RBBP6: variants seen among roughly 807,000 people sequenced by gnomAD.
RBBP6 encodes E3 ubiquitin-protein ligase RBBP6.
In RBBP6, 25 loss-of-function variants were observed where a neutral mutation model predicts 167.7. The ratio of observed to expected loss-of-function variants is 0.15; its 90% CI spans 0.11 to 0.21. The LOEUF (loss-of-function observed/expected upper bound fraction) is 0.21, where lower values mean the gene tolerates loss of function less well. Ranked by LOEUF, RBBP6 falls within the 10% of genes least tolerant of loss-of-function variation. The pLI is 1.00. For synonymous variants in RBBP6, 789 were observed against 735.8 expected (o/e 1.07, Z -1.17); for missense variants, 1,868 against 2,134.2 (o/e 0.88, Z 2.46).
intron 14 of RBBP6, 39 bp downstream of exon 14, chr16:24,564,904 T>A: frequency 1.9e-6 from 3 of 1,575,392 alleles, no homozygotes; most frequent in Non-Finnish European, 2.6e-6. Context: ...ATCATCTTAT[T>A]TTTTATATAT....
rs763491530 is a variant in RBBP6, at chr16:24,562,170, G to T, written c.1289+9G>T. ...TCAGATGGACCTTTTCGGTAAGCCT[G>T]TGTGTTTTTCACTGTTAGAAACCAA... is the stretch of plus-strand genomic sequence containing the variant. On this transcript the variant is annotated intron_variant, in intron 10 of 17. Transcript: ENST00000319715. 6.3e-7 allele frequency: 1 copy of T among 1,589,956 alleles called. No homozygotes were observed. The highest frequency in any genetic ancestry group is 8.6e-7 in the Non-Finnish European group (1 of 1,161,774).
At position 24,569,386 on chromosome 16, in the gene RBBP6, C is replaced by T. The variant is rs1368740653; in HGVS notation, c.2696C>T (p.Pro899Leu). Reference protein sequence around the residue: ...HRSRNIGSNYPEKLSARDGHN... With the variant: ...HRSRNIGSNYLEKLSARDGHN... Reference sequence around the variant, plus strand: ...AGTCGAAACATAGGTAGCAACTATCCAGAAAAGCTTTCAGCAAGAGATGGT... The same window carrying T: ...AGTCGAAACATAGGTAGCAACTATCTAGAAAAGCTTTCAGCAAGAGATGGT... Residue 899 changes from proline (P) to leucine (L), a missense_variant, in exon 17 of 18, where the codon CCA becomes CTA. Transcript: ENST00000319715. 6.2e-7 allele frequency: 1 copy of T among 1,613,816 alleles called. No homozygotes were observed. The highest frequency in any genetic ancestry group is 8.5e-7 in the Non-Finnish European group (1 of 1,180,020).
rs1458960474 is a variant in RBBP6 at position 24,568,924 on chromosome 16, G to A, written c.2234G>A (p.Arg745His). ...GGCAGAGGCAAGAGCCGCAATTACC[G>A]TTCACGGTCTAGATCTCATGGATAT... ...RRGRGKSRNY[R>H]SRSRSHGYHR... The change falls in exon 17 of 18, where the codon CGT (arginine) becomes CAT (histidine). Residue 745 changes from arginine to histidine, a missense_variant. By Grantham distance (29) the Arg-to-His change is conservative (BLOSUM62 0). Transcript: ENST00000319715. 9.3e-6 allele frequency: 15 copies of A among 1,614,210 alleles called. No individual in the cohort carries two copies. Among genetic ancestry groups the A allele is most frequent in the East Asian group, 2.2e-5 (1 of 44,884 alleles).
chr16:24,541,196 AAAAAAAACC>A (rs1262505821), intron 1 of RBBP6, among the ~76,000 whole-genome samples: 13 of 134,596 alleles, frequency 9.7e-5, no homozygotes, highest in East Asian at 8.1e-4. Context: ...AAAAAAACAA[AAAAAAAACC>A]AAAAAAACAA....
intron 2 of RBBP6, 69 bp downstream of exon 2, chr16:24,546,331 A>G: frequency 7.1e-7 from 1 of 1,415,478 alleles, no homozygotes; most frequent in Non-Finnish European, 9.2e-7. Context: ...GTGAGAAAAA[A>G]CTGTATTTTA....
chr16:24,556,007 C>CA, intron 6 of RBBP6, 90 bp downstream of exon 6: 1 of 1,167,438 alleles, frequency 8.6e-7, no homozygotes, highest in Non-Finnish European at 1.2e-6. Flanking sequence ...TTAATACTGC[C>CA]TTCTGTAGAC....
intron 4 of RBBP6, chr16:24,554,455 T>A (rs1030103115): frequency 6.6e-6 from 1 of 152,056 alleles, no homozygotes; most frequent in Non-Finnish European, 1.5e-5. Context: ...GTCCCTATCT[T>A]GTTCTTGGCT....
Position 24,565,553 on chromosome 16 carries a change from C to G in RBBP6, c.1589+688C>G, listed in dbSNP as rs140236433. ...AGTGGCATTAAGATTCTCATAGGAG[C>G]ATGAACCCTGTTGTGAACTGCGTGT... On this transcript the variant is annotated intron_variant, in intron 14 of 17. Transcript: ENST00000319715. 2.6e-5 allele frequency among the ~76,000 whole-genome samples: 4 copies of G among 152,356 alleles called. No individual in the cohort carries two copies. In the East Asian group the frequency reaches 7.7e-4, roughly 29 times the overall value.
At chr16:24,563,566 G>A in intron 12 of RBBP6, 44 bp from the exon 13 acceptor site, 2 of 1,610,444 alleles carry the variant, frequency 1.2e-6, no homozygotes, top group Non-Finnish European at 1.7e-6. Context: ...TTGATTTAAT[G>A]TGCAATTTTG....
intron 7 of RBBP6, among the ~76,000 whole-genome samples, chr16:24,556,752 T>A (rs986469841): frequency 6.6e-6 from 1 of 152,198 alleles, no homozygotes; most frequent in Non-Finnish European, 1.5e-5. Context: ...CATAATCTTA[T>A]TATATATGCT....
chr16:24,572,367 AAAG>A lies in RBBP6; in HGVS notation c.5305_5307del (p.Lys1769del). On this transcript the variant is annotated inframe_deletion, in exon 18 of 18. Transcript: ENST00000319715. ...AAAGCCAAAAACACAAACACAAGAA[AAAG>A]AAGTCAAAGAAGAACAAAGATAAAG... 6.4e-7 allele frequency: 1 copy of A among 1,550,458 alleles called. No homozygotes were observed. Among genetic ancestry groups the A allele is most frequent in the Non-Finnish European group, 8.7e-7 (1 of 1,146,764 alleles).
In RBBP6 at chr16:24,570,381, C is replaced by T; in HGVS notation, c.3691C>T (p.Pro1231Ser). 6.2e-7 allele frequency: 1 copy of T among 1,612,876 alleles called. No individual in the cohort carries two copies. The highest frequency in any genetic ancestry group is 8.5e-7 in the Non-Finnish European group (1 of 1,179,766). ...STENISNTKEPSEKLESTSSK... is the reference protein window; with the variant it reads ...STENISNTKESSEKLESTSSK... ...AGAAAATATATCAAACACAAAAGAA[C>T]CCTCTGAAAAATTGGAGTCAACATC... The change falls in exon 17 of 18, where the codon CCC becomes TCC. Residue 1231 changes from proline (P) to serine (S), a missense_variant. Coordinates refer to ENST00000319715, the MANE Select transcript of RBBP6 (RefSeq NM_006910.5).
At chr16:24,550,556 C>T (rs1325768988) in intron 3 of RBBP6, among the ~76,000 whole-genome samples, 1 of 151,480 alleles carries the variant, frequency 6.6e-6, no homozygotes, top group Non-Finnish European at 1.5e-5. Context: ...TAAACTAATT[C>T]AGATGAAGTT....
At chr16:24,555,942 T>C (rs1471427355) in intron 6 of RBBP6, 25 bp downstream of exon 6, 2 of 1,517,926 alleles carry the variant, frequency 1.3e-6, no homozygotes, top group East Asian at 2.3e-5. Flanking sequence ...GAAACTATGG[T>C]ATATCTTACT....
rs1899343352 is a variant in RBBP6 at position 24,571,699 on chromosome 16, C to T, written c.4633C>T (p.His1545Tyr). The stretch of plus-strand genomic sequence containing the variant: ...CTCAAGAGACAGAAAACCTCATGAT[C>T]ACAAAGCCACTTATGATACTAAACG... ...SPSRDRKPHDHKATYDTKRPN... is the reference protein window; with the variant it reads ...SPSRDRKPHDYKATYDTKRPN... The change falls in exon 18 of 18, where the codon CAC becomes TAC. Residue 1545 changes from histidine to tyrosine, a missense_variant. By Grantham distance (83) the His-to-Tyr change is moderately conservative. Coordinates refer to ENST00000319715, the MANE Select transcript of RBBP6 (RefSeq NM_006910.5). The T allele has an allele frequency of 6.2e-7, 1 of 1,613,932 alleles. No individual in the cohort carries two copies. Among genetic ancestry groups the T allele is most frequent in the Admixed American group, 1.7e-5 (1 of 60,000 alleles).
intron 8 of RBBP6, among the ~76,000 whole-genome samples, chr16:24,560,612 C>T (rs1899027661): frequency 6.6e-6 from 1 of 152,170 alleles, no homozygotes; most frequent in African/African-American, 2.4e-5. Flanking sequence ...TCCTCATACA[C>T]ATGGTTCTGC....
chr16:24,556,261 T>TA (rs1166609297), intron 6 of RBBP6, 47 bp from the exon 7 acceptor site: 2 of 1,435,562 alleles, frequency 1.4e-6, no homozygotes, highest in African/African-American at 2.9e-5. Flanking sequence ...TAAATAAAGA[T>TA]AACTGCTTTT....
At chr16:24,550,023 G>T (rs1475999214) in intron 3 of RBBP6, among the ~76,000 whole-genome samples, 2 of 151,942 alleles carry the variant, frequency 1.3e-5, no homozygotes, top group Non-Finnish European at 2.9e-5. Flanking sequence ...TCATAATTGG[G>T]TTCTGTAAAT....
Position 24,559,559 on chromosome 16 carries a change from A to G in RBBP6, c.729A>G (p.Pro243=), listed in dbSNP as rs1898998555. 6.2e-7 allele frequency: 1 copy of G among 1,607,694 alleles called. No individual in the cohort carries two copies. Among genetic ancestry groups the G allele is most frequent in the South Asian group, 1.1e-5 (1 of 89,222 alleles). ...KEKPPFLPEE[P]SSSSEEDDPI... is the part of the protein sequence containing the mutation. ...AACCTCCCTTCTTACCAGAGGAGCCATCTTCTTCCTCAGAAGAAGATGATC... is the reference window on the plus strand; with the variant it reads ...AACCTCCCTTCTTACCAGAGGAGCCGTCTTCTTCCTCAGAAGAAGATGATC... Residue 243 remains proline (P), a synonymous_variant, in exon 8 of 18, where the codon CCA becomes CCG. Coordinates refer to ENST00000319715, the MANE Select transcript of RBBP6 (RefSeq NM_006910.5).
Sources: gnomAD v4.1 joint callset for allele counts (sites outside exome capture counted in the v4.1 genomes callset) on GRCh38, gnomAD v4.1.1 for gene constraint, MANE v1.5 for transcripts, NCBI Gene and HGNC (gene_info 2026-07-23, HGNC 2026-07-21) for gene names.